The following COL28A1 variants were observed in gnomAD, a reference collection of about 807,000 sequenced individuals.
The protein encoded by COL28A1 is collagen type XXVIII alpha 1 chain.
COL28A1 carries 161 observed loss-of-function variants against 150.2 expected under a neutral mutation model. The ratio of observed to expected loss-of-function variants is 1.07; its 90% CI spans 0.94 to 1.22. COL28A1 has a LOEUF of 1.22. COL28A1 is among the 50% of genes most tolerant of loss of function. The probability of loss-of-function intolerance (pLI) is 0.00; values close to 1 mark genes in which losing one functional copy is unlikely to be tolerated. For synonymous variants in COL28A1, 552 were observed against 469.7 expected (o/e 1.18, Z -2.26); for missense variants, 1,617 against 1,388.3 (o/e 1.16, Z -2.62).
intron 21 of COL28A1, among the ~76,000 whole-genome samples, chr7:7,438,053 G>T (rs1245073805): frequency 6.6e-6 from 1 of 151,772 alleles, no homozygotes; most frequent in East Asian, 1.9e-4. Context: ...TGGCCAACAT[G>T]GCAAAACCCC....
rs76510128 is a variant in COL28A1, at chr7:7,370,471, T to G, written c.3066+254A>C. Among the ~76,000 whole-genome samples, 1,464 of 152,242 alleles carry G rather than the reference T, an allele frequency of 9.6e-3. 24 individuals are homozygous for G. Among genetic ancestry groups the G allele is most frequent in the African/African-American group, 0.034 (1,408 of 41,518 alleles). ...ATGGTTACTTTGATGGTAATAGGAG[T>G]ATAATATAAAAATATTATCAGCAAC... On this transcript the variant is annotated intron_variant, in intron 33 of 34. Coordinates refer to ENST00000399429, the MANE Select transcript of COL28A1 (RefSeq NM_001037763.3).
At chr7:7,535,555 T>C (rs61285017) in intron 1 of COL28A1, among the ~76,000 whole-genome samples, 195 bp downstream of exon 1, 12,462 of 152,168 alleles carry the variant, frequency 0.082, 1,752 homozygotes, top group African/African-American at 0.28. Flanking sequence ...TTCAAAATAA[T>C]TTTAAGTTTT....
intron 33 of COL28A1, among the ~76,000 whole-genome samples, chr7:7,361,236 C>T (rs78269203): frequency 6.6e-6 from 1 of 152,108 alleles, no homozygotes; most frequent in African/African-American, 2.4e-5. Context: ...ATTTTCTGGA[C>T]TAAAATTTCC....
intron 13 of COL28A1, among the ~76,000 whole-genome samples, chr7:7,486,488 T>A (rs1425558495): frequency 6.6e-6 from 1 of 152,210 alleles, no homozygotes; most frequent in Admixed American, 6.5e-5. Context: ...ATAAGACTGA[T>A]GAGAGCAGAC....
intron 27 of COL28A1, among the ~76,000 whole-genome samples, chr7:7,413,171 T>G (rs1783881924): frequency 6.6e-6 from 1 of 152,104 alleles, no homozygotes; most frequent in Non-Finnish European, 1.5e-5. Flanking sequence ...GTCACCAAAT[T>G]ACCCAGCCTG....
At chr7:7,393,760 A>T (rs1321054335) in intron 27 of COL28A1, among the ~76,000 whole-genome samples, 1 of 152,162 alleles carries the variant, frequency 6.6e-6, no homozygotes, top group African/African-American at 2.4e-5. Context: ...TGTGAGGGGA[A>T]AAGTGGACCT....
chr7:7,413,299 C>T (rs1783888610), intron 27 of COL28A1, among the ~76,000 whole-genome samples: 1 of 152,164 alleles, frequency 6.6e-6, no homozygotes, highest in Non-Finnish European at 1.5e-5. Context: ...ATGTAGACCA[C>T]CATACTTTCT....
intron 34 of COL28A1, among the ~76,000 whole-genome samples, chr7:7,359,470 T>A (rs1212480233): frequency 6.6e-6 from 1 of 152,168 alleles, no homozygotes; most frequent in Non-Finnish European, 1.5e-5. Flanking sequence ...CACATTGTCC[T>A]AATAAGGTTC....
At chr7:7,514,121 A>G (rs968180638) in intron 8 of COL28A1, among the ~76,000 whole-genome samples, 4 of 152,328 alleles carry the variant, frequency 2.6e-5, no homozygotes, top group Admixed American at 2.0e-4. Context: ...CAAAAAATAT[A>G]TGTATAAAGC....
At chr7:7,401,403 T>C (rs554182559) in intron 27 of COL28A1, among the ~76,000 whole-genome samples, 55 of 152,316 alleles carry the variant, frequency 3.6e-4, no homozygotes, top group African/African-American at 1.2e-3. Context: ...TCCAGATTTC[T>C]ATCCCCAAAT....
At chr7:7,508,258 C>A (rs1481117506) in intron 9 of COL28A1, among the ~76,000 whole-genome samples, 1 of 151,676 alleles carries the variant, frequency 6.6e-6, no homozygotes, top group Non-Finnish European at 1.5e-5. Flanking sequence ...TTTCCTTTTT[C>A]CATGTCATTA....
At chr7:7,505,668 AAT>A (rs1780770047) in intron 11 of COL28A1, among the ~76,000 whole-genome samples, 1 of 152,204 alleles carries the variant, frequency 6.6e-6, no homozygotes, top group Non-Finnish European at 1.5e-5. Flanking sequence ...ACATTTGAGA[AAT>A]AGAGTGGTTT....
At chr7:7,419,978 G>C (rs763100244) in intron 25 of COL28A1, 25 bp from the exon 26 acceptor site, 1 of 1,514,002 alleles carries the variant, frequency 6.6e-7, no homozygotes, top group Non-Finnish European at 8.9e-7. Context: ...CAAATAACAA[G>C]TTACTAATTT....
intron 27 of COL28A1, among the ~76,000 whole-genome samples, chr7:7,399,897 A>C (rs1396481570): frequency 6.6e-6 from 1 of 152,242 alleles, no homozygotes; most frequent in Non-Finnish European, 1.5e-5. Flanking sequence ...ACTTCAGCAG[A>C]GCTGCCAGTA....
At chr7:7,491,829 A>G (rs1229023677) in intron 11 of COL28A1, among the ~76,000 whole-genome samples, 1 of 152,238 alleles carries the variant, frequency 6.6e-6, no homozygotes, top group Non-Finnish European at 1.5e-5. Flanking sequence ...CCCATTTCAT[A>G]ATATTATTTT....
chr7:7,540,775 G>A (rs1198119086), upstream of COL28A1, among the ~76,000 whole-genome samples: 1 of 152,178 alleles, frequency 6.6e-6, no homozygotes, highest in Non-Finnish European at 1.5e-5. Flanking sequence ...ACCTCTCACT[G>A]TGTAAATCTT....
At chr7:7,482,556 AT>A (rs942339642) in intron 13 of COL28A1, among the ~76,000 whole-genome samples, 1 of 151,286 alleles carries the variant, frequency 6.6e-6, no homozygotes, top group Non-Finnish European at 1.5e-5. Flanking sequence ...CACATCATTG[AT>A]TTTTTTATAA....
At chr7:7,522,693 A>C (rs750591472) in intron 4 of COL28A1, among the ~76,000 whole-genome samples, 1 of 151,802 alleles carries the variant, frequency 6.6e-6, no homozygotes, top group Non-Finnish European at 1.5e-5. Flanking sequence ...ACAAAAAATG[A>C]TTCAGATTTA....
Position 7,381,579 on chromosome 7 carries a change from T to C in COL28A1, c.2170A>G (p.Lys724Glu). 2 of 1,613,952 alleles carry C rather than the reference T, an allele frequency of 1.2e-6. No individual in the cohort carries two copies. Among genetic ancestry groups the C allele is most frequent in the Non-Finnish European group, 1.7e-6 (2 of 1,179,804 alleles). The change falls in exon 28 of 35, where the codon AAG becomes GAG. Residue 724 changes from lysine (K) to glutamate (E), a missense_variant. Coordinates refer to ENST00000399429, the MANE Select transcript of COL28A1 (RefSeq NM_001037763.3). ...GGGAGGCCATGGCCCATTGTGCCCT[T>C]TGGGCCTGGGAAGCCTTGTGGTCCT... Reference protein sequence around the residue: ...EQGPQGFPGPKGTMGHGLPGQ... With the variant: ...EQGPQGFPGPEGTMGHGLPGQ...
Sources: gnomAD v4.1 joint callset for allele counts (sites outside exome capture counted in the v4.1 genomes callset) on GRCh38, gnomAD v4.1.1 for gene constraint, MANE v1.5 for transcripts, NCBI Gene and HGNC (gene_info 2026-07-23, HGNC 2026-07-21) for gene names.